Variants in GRIP1 observed in about 807,000 individuals in gnomAD.
GRIP1 encodes the protein glutamate receptor interacting protein 1, also known as glutamate receptor-interacting protein 1.
A neutral mutation model predicts 129.9 loss-of-function variants in GRIP1; 45 were observed. That is an observed-to-expected ratio of 0.35 (90% CI 0.27 to 0.44). The LOEUF (loss-of-function observed/expected upper bound fraction) is 0.44. GRIP1 is among the 20% of genes least tolerant of loss of function. The pLI is 1.00. For synonymous variants in GRIP1, 530 were observed against 520.8 expected (o/e 1.02, Z -0.24); for missense variants, 1,196 against 1,396.8 (o/e 0.86, Z 2.29).
At position 66,548,479 on chromosome 12, in the gene GRIP1, T is replaced by C. The variant is rs181192145; in HGVS notation, c.137-6529A>G. Among the ~76,000 whole-genome samples, 431 of 152,306 alleles carry C rather than the reference T, an allele frequency of 2.8e-3. 2 individuals are homozygous for C. Among genetic ancestry groups the C allele is most frequent in the African/African-American group, 9.9e-3 (410 of 41,572 alleles). ...GTACACACATAAATTCAAAGGAGGC[T>C]GAGAACTAGAGTCTAAATAGAGACC... On this transcript the variant is annotated intron_variant, in intron 2 of 24. Coordinates refer to ENST00000359742, the MANE Select transcript of GRIP1 (RefSeq NM_001366722.1).
intron 2 of GRIP1, among the ~76,000 whole-genome samples, chr12:66,581,495 G>T (rs1421992600): frequency 2.8e-5 from 4 of 144,198 alleles, no homozygotes; most frequent in African/African-American, 1.0e-4. Context: ...CAACAAAATT[G>T]ATAGACCACT....
rs6581730 is a variant in GRIP1, at chr12:67,029,972, G to A, written c.58+39078C>T. On this transcript the variant is annotated intron_variant, in intron 1 of 1. Coordinates refer to the GRIP1 transcript ENST00000643019. ...CCCAGCACTTTGGGAGGGCCAAGGC[G>A]GGTGGATCACGAGGTCAGGAGATGG... 8.8e-3 allele frequency among the ~76,000 whole-genome samples: 1,335 copies of A among 151,534 alleles called. 24 individuals carry two copies. Among genetic ancestry groups the A allele is most frequent in the African/African-American group, 0.03 (1,225 of 41,294 alleles).
At chr12:66,579,674 A>G (rs35587475) in intron 2 of GRIP1, among the ~76,000 whole-genome samples, 37,237 of 151,912 alleles carry the variant, frequency 0.25, 4,685 homozygotes, top group Admixed American at 0.28. Flanking sequence ...AAGATGAAAC[A>G]CGTGAAATGA....
intron 1 of GRIP1, among the ~76,000 whole-genome samples, chr12:66,872,887 T>C (rs1417217662): frequency 6.6e-6 from 1 of 152,116 alleles, no homozygotes; most frequent in African/African-American, 2.4e-5. Context: ...GGAAATTGGA[T>C]GGGACACAGA....
chr12:66,510,856 G>A (rs1414213525), intron 7 of GRIP1, among the ~76,000 whole-genome samples: 1 of 152,132 alleles, frequency 6.6e-6, no homozygotes. Flanking sequence ...ATTAATGAAA[G>A]TAAAACCAAA....
chr12:66,350,276 T>A (rs2054164132), intron 24 of GRIP1, among the ~76,000 whole-genome samples: 1 of 152,040 alleles, frequency 6.6e-6, no homozygotes, highest in African/African-American at 2.4e-5. Flanking sequence ...GGTGGGTGGA[T>A]CCCCTGAGGT....
At position 67,063,435 on chromosome 12, in the gene GRIP1, A is replaced by C. The variant is rs187208487; in HGVS notation, c.58+5615T>G. 4.6e-5 allele frequency among the ~76,000 whole-genome samples: 7 copies of C among 152,362 alleles called. No homozygotes were observed. In the East Asian group the frequency reaches 1.3e-3, roughly 29 times the overall value. ...TGGCCACTGACATACCTAAATGAGT[A>C]GGCTTCTTGAATAAGAAAATTTGAA... is the stretch of plus-strand genomic sequence containing the variant. On this transcript the variant is annotated intron_variant, in intron 1 of 1. Transcript: ENST00000643019.
intron 13 of GRIP1, among the ~76,000 whole-genome samples, chr12:66,432,871 T>C (rs749275781): frequency 6.6e-6 from 1 of 152,208 alleles, no homozygotes; most frequent in Admixed American, 6.5e-5. Context: ...TCAAGTGTGA[T>C]GCATGCACCA....
At chr12:66,711,312 C>T (rs1378366737) in intron 1 of GRIP1, among the ~76,000 whole-genome samples, 1 of 151,816 alleles carries the variant, frequency 6.6e-6, no homozygotes, top group Non-Finnish European at 1.5e-5. Context: ...TGATGCATGT[C>T]AGTTGTCATT....
chr12:66,654,118 A>G (rs1417851914), intron 1 of GRIP1, among the ~76,000 whole-genome samples: 1 of 152,172 alleles, frequency 6.6e-6, no homozygotes, highest in Non-Finnish European at 1.5e-5. Flanking sequence ...GGCACCAAAC[A>G]TAGGTGATAG....
chr12:66,525,707 A>C (rs1354879054), intron 5 of GRIP1, among the ~76,000 whole-genome samples: 3 of 152,114 alleles, frequency 2.0e-5, no homozygotes, highest in Non-Finnish European at 4.4e-5. Flanking sequence ...AAGGAAATAA[A>C]GGGTATTCAA....
intron 1 of GRIP1, among the ~76,000 whole-genome samples, chr12:66,813,876 T>A (rs948391309): frequency 3.9e-5 from 6 of 152,108 alleles, no homozygotes; most frequent in African/African-American, 1.4e-4. Context: ...GGAAGTGACA[T>A]GATCTACATT....
intron 1 of GRIP1, among the ~76,000 whole-genome samples, chr12:66,651,172 G>A (rs1342890868): frequency 3.3e-5 from 5 of 152,108 alleles, no homozygotes; most frequent in African/African-American, 9.7e-5. Context: ...TAGTCAACAG[G>A]TGGTATAGCA....
chr12:66,613,935 C>A (rs1006470031), intron 1 of GRIP1, among the ~76,000 whole-genome samples: 1 of 152,190 alleles, frequency 6.6e-6, no homozygotes, highest in East Asian at 1.9e-4. Flanking sequence ...GACACATCAG[C>A]ATTAATGCTA....
At chr12:66,803,144 C>T (rs989197307) in intron 1 of GRIP1, among the ~76,000 whole-genome samples, 2 of 152,160 alleles carry the variant, frequency 1.3e-5, no homozygotes, top group African/African-American at 4.8e-5. Context: ...AAGTGGGATG[C>T]ATTCATGATT....
intron 1 of GRIP1, among the ~76,000 whole-genome samples, chr12:67,016,296 G>C (rs374647118): frequency 4.6e-5 from 7 of 151,958 alleles, no homozygotes; most frequent in Admixed American, 1.3e-4. Context: ...AAACACACAC[G>C]ACAACAGATA....
At chr12:66,923,376 T>G (rs955690810) in intron 1 of GRIP1, among the ~76,000 whole-genome samples, 1 of 152,178 alleles carries the variant, frequency 6.6e-6, no homozygotes, top group Non-Finnish European at 1.5e-5. Flanking sequence ...CTTGCCATAC[T>G]GCACATTATT....
intron 1 of GRIP1, among the ~76,000 whole-genome samples, chr12:66,750,619 C>A (rs985533863): frequency 6.6e-6 from 1 of 152,122 alleles, no homozygotes; most frequent in African/African-American, 2.4e-5. Flanking sequence ...CTGGTTTAAT[C>A]CCAGAGGCAA....
rs114930015 is a variant in GRIP1, at chr12:66,673,912, A to G, written c.55+4938T>C. Among the ~76,000 whole-genome samples, 1,010 of 152,346 alleles carry G rather than the reference A, an allele frequency of 6.6e-3. 8 individuals carry two copies. The highest frequency in any genetic ancestry group is 0.023 in the African/African-American group (966 of 41,574). On this transcript the variant is annotated intron_variant, in intron 1 of 24. Transcript: ENST00000359742. ...GTGAAATATCTATTAAGTGCATATT[A>G]TTTTAAAAAGTTGATAGGCTAGAAA...
Sources: gnomAD v4.1 joint callset for allele counts (sites outside exome capture counted in the v4.1 genomes callset) on GRCh38, gnomAD v4.1.1 for gene constraint, MANE v1.5 for transcripts, NCBI Gene and HGNC (gene_info 2026-07-23, HGNC 2026-07-21) for gene names.